AMDHD2: variants seen among roughly 807,000 people sequenced by gnomAD.
AMDHD2 encodes the protein amidohydrolase domain containing 2.
A neutral mutation model predicts 41.8 loss-of-function variants in AMDHD2; 24 were observed. The observed-to-expected ratio is 0.57, with a 90% CI of 0.42 to 0.81. The LOEUF (loss-of-function observed/expected upper bound fraction) is 0.81. AMDHD2 is among the 30% of genes least tolerant of loss of function. AMDHD2 has a pLI of 0.00. For missense variants in AMDHD2, 540 were observed against 588.5 expected, an observed-to-expected ratio of 0.92 and a Z score of 0.85; for synonymous variants, 332 against 255.5, an observed-to-expected ratio of 1.30 and a Z score of -2.85.
Position 2,529,935 on chromosome 16 carries a change from G to A in AMDHD2, c.*372G>A. The A allele has an allele frequency of 1.1e-6, 1 of 910,628 alleles. No homozygotes were observed. The highest frequency in any genetic ancestry group is 1.6e-6 in the Non-Finnish European group (1 of 633,650). 56.4% of individuals were successfully genotyped at this position (910,628 alleles called of 1,614,324 possible). On this transcript the variant is annotated 3_prime_UTR_variant, in exon 11 of 11. Coordinates refer to ENST00000293971, the MANE Select transcript of AMDHD2 (RefSeq NM_001330449.2). Reference sequence around the variant, plus strand: ...AGGAAAGTGTCACTATGGGAGGGAGGGGCAGGCAGTCAGTGGCTGGTGCCA... The same window carrying A: ...AGGAAAGTGTCACTATGGGAGGGAGAGGCAGGCAGTCAGTGGCTGGTGCCA...
At chr16:2,526,717 G>A (rs914403702) in intron 3 of AMDHD2, among the ~76,000 whole-genome samples, 2 of 150,006 alleles carry the variant, frequency 1.3e-5, no homozygotes, top group Non-Finnish European at 3.0e-5. Context: ...GTGGGTGTTT[G>A]GTCAGGAGTT....
In AMDHD2 at chr16:2,525,494, G is replaced by C. The variant is rs531170492; in HGVS notation, c.361-2067G>C. Reference sequence around the variant, plus strand: ...CAATTCTCCTACCTCAGCCTCCTGAGTAGCTGGGACTACAGGCGTGTGCCA... The same window carrying C: ...CAATTCTCCTACCTCAGCCTCCTGACTAGCTGGGACTACAGGCGTGTGCCA... On this transcript the variant is annotated intron_variant, in intron 3 of 10. Coordinates refer to ENST00000293971, the MANE Select transcript of AMDHD2 (RefSeq NM_001330449.2). 1.0e-3 allele frequency among the ~76,000 whole-genome samples: 153 copies of C among 152,024 alleles called. 4 individuals carry two copies. In the South Asian group the frequency reaches 0.031, roughly 31 times the overall value.
In AMDHD2 at chr16:2,520,483, G is replaced by T. The variant is rs1383666875; in HGVS notation, c.25G>T (p.Gly9Trp). The change falls in exon 1 of 11, where the codon GGG becomes TGG. Residue 9 changes from glycine (G) to tryptophan (W), a missense_variant. By Grantham distance (184) the Gly-to-Trp change is radical. Transcript: ENST00000293971. ...GATGCGCGGCGAGCAGGGCGCGGCG[G>T]GGGCCCGCGTGCTCCAGTTCACTAA... MRGEQGAA[G>W]ARVLQFTNCR... The T allele has an allele frequency of 8.1e-7, 1 of 1,233,898 alleles. No homozygotes were observed. The allele number at this position is 1,233,898 out of a possible 1,614,324, so 76.4% of individuals were successfully genotyped here. A position where few individuals can be genotyped will look rare whatever the true frequency, so the allele number is the denominator to read the frequency against.
In AMDHD2 at chr16:2,520,388, G is replaced by T; in HGVS notation, c.-71G>T. On this transcript the variant is annotated 5_prime_UTR_variant, in exon 1 of 11. Coordinates refer to ENST00000293971, the MANE Select transcript of AMDHD2 (RefSeq NM_001330449.2). ...TGGGCGCGGTCTCAGCTCTCGGCTG[G>T]GGTTCGTCACTGGGCGCGGGATTTG... The T allele has an allele frequency of 8.5e-7, 1 of 1,175,222 alleles. No individual in the cohort carries two copies. The highest frequency in any genetic ancestry group is 1.1e-6 in the Non-Finnish European group (1 of 939,322). The allele number at this position is 1,175,222 out of a possible 1,614,324, so 72.8% of individuals were successfully genotyped here. A position where few individuals can be genotyped will look rare whatever the true frequency, so the allele number is the denominator to read the frequency against.
chr16:2,530,884 C>A lies in AMDHD2; in HGVS notation c.*1321C>A. 6.2e-7 allele frequency: 1 copy of A among 1,613,628 alleles called. No homozygotes were observed. The highest frequency in any genetic ancestry group is 8.5e-7 in the Non-Finnish European group (1 of 1,179,994). On this transcript the variant is annotated 3_prime_UTR_variant, in exon 11 of 11. Transcript: ENST00000293971. ...GAGGTGTGAGGTGCAGGGATACCCA[C>A]CTCTGCCTTGACGGCCGCGCACCCC...
chr16:2,529,317 C>A, intron 10 of AMDHD2, 158 bp from the exon 11 acceptor site: 1 of 1,254,820 alleles, frequency 8.0e-7, no homozygotes, highest in South Asian at 1.4e-5. Context: ...GGAGCATTGT[C>A]CAGTACCTCT....
Position 2,531,159 on chromosome 16 carries a change from C to T in AMDHD2, c.*1596C>T. 6.7e-7 allele frequency: 1 copy of T among 1,489,734 alleles called. No individual in the cohort carries two copies. The highest frequency in any genetic ancestry group is 1.3e-5 in the South Asian group (1 of 76,136). The allele number at this position is 1,489,734 out of a possible 1,614,324, so 92.3% of individuals were successfully genotyped here. ...CCAGAGCTGGTGAGCCCTGGGCCAGCCTTTGGGCCTGGCCTGCCCCATTCA... is the reference window on the plus strand; with the variant it reads ...CCAGAGCTGGTGAGCCCTGGGCCAGTCTTTGGGCCTGGCCTGCCCCATTCA... On this transcript the variant is annotated 3_prime_UTR_variant, in exon 11 of 11. Coordinates refer to ENST00000293971, the MANE Select transcript of AMDHD2 (RefSeq NM_001330449.2).
In AMDHD2 at chr16:2,520,497, C is replaced by G. The variant is rs897250250; in HGVS notation, c.39C>G (p.Leu13=). The G allele has an allele frequency of 8.1e-7, 1 of 1,233,950 alleles. No individual in the cohort carries two copies. The highest frequency in any genetic ancestry group is 1.0e-6 in the Non-Finnish European group (1 of 982,498). The allele number at this position is 1,233,950 out of a possible 1,614,324, so 76.4% of individuals were successfully genotyped here. ...GEQGAAGARV[L]QFTNCRILRG... ...AGGGCGCGGCGGGGGCCCGCGTGCT[C>G]CAGTTCACTAACTGCCGGATCCTGC... Residue 13 remains leucine, a synonymous_variant, in exon 1 of 11, where the codon CTC becomes CTG. Coordinates refer to ENST00000293971, the MANE Select transcript of AMDHD2 (RefSeq NM_001330449.2).
chr16:2,523,350 G>A (rs1348009620), intron 3 of AMDHD2, among the ~76,000 whole-genome samples: 1 of 152,130 alleles, frequency 6.6e-6, no homozygotes, highest in African/African-American at 2.4e-5. Flanking sequence ...CTCTCTTGGT[G>A]TGTGGGCAGA....
rs772769286 is a variant in AMDHD2, at chr16:2,530,378, GCA to G, written c.*821_*822del. ...CATCTTCTGTGTCCCCTTGGCCCTG[GCA>G]CACACCCATGTGGCAAACACGGGCC... On this transcript the variant is annotated 3_prime_UTR_variant, in exon 11 of 11. Transcript: ENST00000293971. 6.8e-5 allele frequency: 110 copies of G among 1,614,036 alleles called. No homozygotes were observed. Among genetic ancestry groups the G allele is most frequent in the Non-Finnish European group, 1.2e-5 (14 of 1,180,028 alleles).
Position 2,530,530 on chromosome 16 carries a change from CTT to C in AMDHD2, c.*969_*970del. ...CCCACGTCAGGGGTGATTGTCTTGA[CTT>C]TCTCTCCATTTGAGTTCTGGGGTGG... On this transcript the variant is annotated 3_prime_UTR_variant, in exon 11 of 11. Coordinates refer to ENST00000293971, the MANE Select transcript of AMDHD2 (RefSeq NM_001330449.2). 2 of 1,614,196 alleles carry C rather than the reference CTT, an allele frequency of 1.2e-6. No individual in the cohort carries two copies. Among genetic ancestry groups the C allele is most frequent in the Non-Finnish European group, 1.7e-6 (2 of 1,180,020 alleles).
chr16:2,521,034 G>A lies in AMDHD2; in HGVS notation c.271G>A (p.Val91Ile), dbSNP rs1429078025. 6.2e-7 allele frequency: 1 copy of A among 1,611,434 alleles called. No individual in the cohort carries two copies. Among genetic ancestry groups the A allele is most frequent in the Non-Finnish European group, 8.5e-7 (1 of 1,178,592 alleles). ...SQATEDVGSGVALVARRILSH... is the reference protein window; with the variant it reads ...SQATEDVGSGIALVARRILSH... ...AGCCACGGAGGACGTGGGTTCGGGGGTTGCCCTCGTGGCCCGGAGGATCCT... is the reference window on the plus strand; with the variant it reads ...AGCCACGGAGGACGTGGGTTCGGGGATTGCCCTCGTGGCCCGGAGGATCCT... Residue 91 changes from valine (V) to isoleucine (I), a missense_variant, in exon 3 of 11, where the codon GTT becomes ATT. By Grantham distance (29) the Val-to-Ile change is conservative (BLOSUM62 3). Transcript: ENST00000293971.
At position 2,529,062 on chromosome 16, in the gene AMDHD2, A is replaced by T; in HGVS notation, c.1108A>T (p.Ser370Cys). The stretch of plus-strand genomic sequence containing the variant: ...CGCCCAGTTGCTGGGGCTGGAGAAG[A>T]GTAAGGGGACCCTGGACTTTGGTGC... Reference protein sequence around the residue: ...HPAQLLGLEKSKGTLDFGADA... With the variant: ...HPAQLLGLEKCKGTLDFGADA... Residue 370 changes from serine to cysteine, a missense_variant, in exon 10 of 11, where the codon AGT becomes TGT. Coordinates refer to ENST00000293971, the MANE Select transcript of AMDHD2 (RefSeq NM_001330449.2). The T allele has an allele frequency of 6.3e-7, 1 of 1,598,392 alleles. No homozygotes were observed. Among genetic ancestry groups the T allele is most frequent in the African/African-American group, 1.3e-5 (1 of 74,634 alleles).
Position 2,520,864 on chromosome 16 carries a change from G to T in AMDHD2, c.179G>T (p.Gly60Val). The T allele has an allele frequency of 6.2e-7, 1 of 1,609,946 alleles. No individual in the cohort carries two copies. ...GCCGACGAGCGGCGGGACTGCGGGG[G>T]CCGCATCTTGGCTCCCGGATTCATC... ...RVADERRDCG[G>V]RILAPGFIDV... Residue 60 changes from glycine to valine, a missense_variant, in exon 2 of 11, where the codon GGC becomes GTC. Physicochemically the swap from Gly to Val is moderately radical, Grantham distance 109. Transcript: ENST00000293971.
Position 2,530,796 on chromosome 16 carries a change from A to G in AMDHD2, c.*1233A>G, listed in dbSNP as rs370312887. ...GGGCAGGGCACAAGGGGTTGATCTCAGCCCACAAGCCCCAGGGGCAGCCCA... is the reference window on the plus strand; with the variant it reads ...GGGCAGGGCACAAGGGGTTGATCTCGGCCCACAAGCCCCAGGGGCAGCCCA... On this transcript the variant is annotated 3_prime_UTR_variant, in exon 11 of 11. Coordinates refer to ENST00000293971, the MANE Select transcript of AMDHD2 (RefSeq NM_001330449.2). 7 of 1,613,364 alleles carry G rather than the reference A, an allele frequency of 4.3e-6. No homozygotes were observed. The highest frequency in any genetic ancestry group is 5.9e-6 in the Non-Finnish European group (7 of 1,179,786).
At chr16:2,529,265 G>A (rs1167374596) in intron 10 of AMDHD2, 170 bp downstream of exon 10, 1 of 1,058,314 alleles carries the variant, frequency 9.4e-7, no homozygotes, top group African/African-American at 1.6e-5. Context: ...CATCAGGCCG[G>A]GCTTTCTGGT....
Position 2,528,061 on chromosome 16 carries a change from G to A in AMDHD2, c.630G>A (p.Gly210=). ...LTARGICVSL[G]HSVADLRAAE... The stretch of plus-strand genomic sequence containing the variant: ...AAAGTCTGAATCCAGGTCCCGCAGG[G>A]CACTCAGTGGCTGACCTGCGGGCGG... The change falls in exon 6 of 11, where the codon GGG becomes GGA. Residue 210 remains glycine (G), a splice_region_variant and synonymous_variant. Transcript: ENST00000293971. 2 of 1,612,866 alleles carry A rather than the reference G, an allele frequency of 1.2e-6. No homozygotes were observed. Among genetic ancestry groups the A allele is most frequent in the Non-Finnish European group, 1.7e-6 (2 of 1,179,878 alleles).
At chr16:2,528,410 A>G (rs2066036292) in intron 7 of AMDHD2, 30 bp downstream of exon 7, 1 of 1,612,842 alleles carries the variant, frequency 6.2e-7, no homozygotes, top group South Asian at 1.1e-5. Flanking sequence ...CAGGACAGGT[A>G]GGATGACTGG....
Position 2,522,840 on chromosome 16 carries a change from T to C in AMDHD2, c.360+1717T>C, listed in dbSNP as rs190931852. Reference sequence around the variant, plus strand: ...ATCATGCCTGTTTATTCCTTAGTACTTAACTTTTTTTTTTTTTTTTTGAGA... The same window carrying C: ...ATCATGCCTGTTTATTCCTTAGTACCTAACTTTTTTTTTTTTTTTTTGAGA... On this transcript the variant is annotated intron_variant, in intron 3 of 10. Coordinates refer to ENST00000293971, the MANE Select transcript of AMDHD2 (RefSeq NM_001330449.2). Among the ~76,000 whole-genome samples the C allele has an allele frequency of 6.0e-3, 902 of 150,046 alleles. 3 individuals are homozygous for C. The highest frequency in any genetic ancestry group is 9.7e-3 in the Non-Finnish European group (658 of 67,844).
Sources: gnomAD v4.1 joint callset for allele counts (sites outside exome capture counted in the v4.1 genomes callset) on GRCh38, gnomAD v4.1.1 for gene constraint, MANE v1.5 for transcripts, NCBI Gene and HGNC (gene_info 2026-07-23, HGNC 2026-07-21) for gene names.